Variants in PCDHGA12 observed in about 807,000 individuals in gnomAD.
PCDHGA12 encodes the protein protocadherin gamma subfamily A, 12.
In PCDHGA12, 43 loss-of-function variants were observed where a neutral mutation model predicts 61.1. The observed-to-expected ratio is 0.70, with a 90% CI of 0.55 to 0.91. The LOEUF (loss-of-function observed/expected upper bound fraction) is 0.91, where lower values mean the gene tolerates loss of function less well. Among genes scored for constraint, PCDHGA12 ranks in the 40% least tolerant of loss-of-function variants. PCDHGA12 has a pLI of 0.00. For missense variants in PCDHGA12, 1,236 were observed against 1,227.7 expected (o/e 1.01, Z -0.10); for synonymous variants, 520 against 542.9 (o/e 0.96, Z 0.59).
rs769461165 is a variant in PCDHGA12, at chr5:141,491,293, C to G, written c.2425-3514C>G. 2 of 1,614,048 alleles carry G rather than the reference C, an allele frequency of 1.2e-6. No individual in the cohort carries two copies. Among genetic ancestry groups the G allele is most frequent in the Admixed American group, 3.3e-5 (2 of 60,008 alleles). ...ATCCAGTGACTTCCTCATACACCCT[C>G]CTGAGCGTTCAGACCTTACCCTTTA... On this transcript the variant is annotated intron_variant, in intron 1 of 3. Coordinates refer to ENST00000252085, the MANE Select transcript of PCDHGA12 (RefSeq NM_003735.3). This position sits in a 1 kb window ranked among gnomAD's most constrained non-coding sequence, Gnocchi z 6.9.
chr5:141,477,778 C>A lies in PCDHGA12; in HGVS notation c.2425-17029C>A. The stretch of plus-strand genomic sequence containing the variant: ...TCCTAGCCACCAACATCAGCGTGAA[C>A]ATATTTGTCACTGATCGCAATGACA... On this transcript the variant is annotated intron_variant, in intron 1 of 3. Coordinates refer to ENST00000252085, the MANE Select transcript of PCDHGA12 (RefSeq NM_003735.3). The surrounding 1 kb of genome is among the most constrained non-coding windows in gnomAD (Gnocchi z 4.9). The A allele has an allele frequency of 6.2e-7, 1 of 1,614,052 alleles. No individual in the cohort carries two copies. The highest frequency in any genetic ancestry group is 8.5e-7 in the Non-Finnish European group (1 of 1,180,040).
intron 1 of PCDHGA12, among the ~76,000 whole-genome samples, chr5:141,438,591 CATATAT>C (rs946798767): frequency 1.2e-3 from 91 of 75,538 alleles, no homozygotes; most frequent in Non-Finnish European, 1.7e-3. Flanking sequence ...TACATACATA[CATATAT>C]ATATATATAT....
chr5:141,454,564 G>A (rs896426143), intron 1 of PCDHGA12, among the ~76,000 whole-genome samples: 1 of 151,874 alleles, frequency 6.6e-6, no homozygotes, highest in Non-Finnish European at 1.5e-5. Context: ...GTGCCACCAC[G>A]CCCGGCTAAT....
chr5:141,433,406 TTA>T (rs2097606059), intron 1 of PCDHGA12, among the ~76,000 whole-genome samples: 1 of 149,982 alleles, frequency 6.7e-6, no homozygotes. Flanking sequence ...TATCTATCTA[TTA>T]CTTTCTTGTA....
At position 141,490,440 on chromosome 5, in the gene PCDHGA12, T is replaced by C. The variant is rs560525159; in HGVS notation, c.2425-4367T>C. On this transcript the variant is annotated intron_variant, in intron 1 of 3. Transcript: ENST00000252085. This position sits in a 1 kb window ranked among gnomAD's most constrained non-coding sequence, Gnocchi z 5.4. ...ACCTGCCATTTCAGATTAAGCCTTC[T>C]GAGAACCACTACTCGCTGCTAACCA... 7 of 1,614,206 alleles carry C rather than the reference T, an allele frequency of 4.3e-6. No homozygotes were observed. Among genetic ancestry groups the C allele is most frequent in the Non-Finnish European group, 5.9e-6 (7 of 1,180,040 alleles).
intron 1 of PCDHGA12, among the ~76,000 whole-genome samples, chr5:141,494,100 G>T (rs559145191): frequency 6.6e-6 from 1 of 152,152 alleles, no homozygotes; most frequent in Non-Finnish European, 1.5e-5. Flanking sequence ...ATTTTTCTCC[G>T]TCTCAGACAG....
rs988237114 is a variant in PCDHGA12 at position 141,493,830 on chromosome 5, G to A, written c.2425-977G>A. On this transcript the variant is annotated intron_variant, in intron 1 of 3. Transcript: ENST00000252085. This position sits in a 1 kb window ranked among gnomAD's most constrained non-coding sequence, Gnocchi z 4.3. ...ATACTCACACTCTCTGCTTCTGGGA[G>A]CAAGTATGAGTATTAATTACCAGCC... 1.3e-5 allele frequency among the ~76,000 whole-genome samples: 2 copies of A among 152,218 alleles called. No individual in the cohort carries two copies. The highest frequency in any genetic ancestry group is 4.8e-5 in the African/African-American group (2 of 41,456).
intron 1 of PCDHGA12, among the ~76,000 whole-genome samples, chr5:141,443,727 A>T: frequency 6.6e-6 from 1 of 152,220 alleles, no homozygotes; most frequent in Non-Finnish European, 1.5e-5. Context: ...AATTCCTCAT[A>T]CATTTCCCTA....
intron 1 of PCDHGA12, among the ~76,000 whole-genome samples, chr5:141,461,376 T>C (rs2099014225): frequency 6.6e-6 from 1 of 152,184 alleles, no homozygotes; most frequent in South Asian, 2.1e-4. Context: ...AATTTGCATT[T>C]TCCTGATGAT....
chr5:141,498,578 G>T (rs1404493166), intron 2 of PCDHGA12, among the ~76,000 whole-genome samples: 1 of 152,048 alleles, frequency 6.6e-6, no homozygotes, highest in African/African-American at 2.4e-5. Flanking sequence ...CTAGTATTGA[G>T]TTCTTCAGTA....
chr5:141,507,601 A>G (rs2099861935), intron 3 of PCDHGA12, among the ~76,000 whole-genome samples: 1 of 152,254 alleles, frequency 6.6e-6, no homozygotes, highest in South Asian at 2.1e-4. Flanking sequence ...TGAGGGAAAT[A>G]AACAGGTATA....
chr5:141,506,444 CAAAAA>C (rs1219684339), intron 3 of PCDHGA12, among the ~76,000 whole-genome samples: 4 of 95,024 alleles, frequency 4.2e-5, no homozygotes, highest in Admixed American at 1.1e-4. Flanking sequence ...CGCTCTGTCT[CAAAAA>C]AAAAAAAAAA....
chr5:141,508,171 A>G (rs1364776681), intron 3 of PCDHGA12: 2 of 152,406 alleles, frequency 1.3e-5, no homozygotes, highest in African/African-American at 4.8e-5. Context: ...AGGCTGGCAC[A>G]GGAGAGAAGG....
intron 1 of PCDHGA12, among the ~76,000 whole-genome samples, chr5:141,471,998 A>T (rs938492822): frequency 5.3e-5 from 8 of 152,276 alleles, no homozygotes; most frequent in South Asian, 2.1e-4. Context: ...AAATCCCTGC[A>T]TCGTATAGGG....
chr5:141,455,055 G>T (rs1019622889), intron 1 of PCDHGA12, among the ~76,000 whole-genome samples: 1 of 151,602 alleles, frequency 6.6e-6, no homozygotes, highest in African/African-American at 2.4e-5. Flanking sequence ...CTCGTGATCC[G>T]CCCGCCTCGG....
At position 141,430,877 on chromosome 5, in the gene PCDHGA12, G is replaced by T; in HGVS notation, c.118G>T (p.Glu40Ter). 6.2e-7 allele frequency: 1 copy of T among 1,600,796 alleles called. No individual in the cohort carries two copies. ...QIRYSVPEELEKGSRVGDISR... is the reference protein window; with the variant it reads ...QIRYSVPEEL ...ACGCTATTCAGTTCCGGAAGAGCTG[G>T]AGAAAGGCTCTAGGGTGGGCGACAT... is the stretch of plus-strand genomic sequence containing the variant. Residue 40 changes from glutamate (E) to a stop codon, truncating the protein, a stop_gained, in exon 1 of 4, where the codon GAG becomes TAG. Transcript: ENST00000252085. LOFTEE classifies it high-confidence loss of function.
At chr5:141,435,214 A>G (rs1314928643) in intron 1 of PCDHGA12, among the ~76,000 whole-genome samples, 2 of 152,176 alleles carry the variant, frequency 1.3e-5, no homozygotes, top group South Asian at 2.1e-4. Context: ...AAGTGAATTT[A>G]CTTTCTTTCA....
At chr5:141,460,829 A>C (rs1242954704) in intron 1 of PCDHGA12, among the ~76,000 whole-genome samples, 1 of 151,944 alleles carries the variant, frequency 6.6e-6, no homozygotes, top group African/African-American at 2.4e-5. Flanking sequence ...ATACACACTT[A>C]AAGTAATGGC....
chr5:141,501,017 C>T (rs1383853662), intron 2 of PCDHGA12, among the ~76,000 whole-genome samples: 5 of 151,866 alleles, frequency 3.3e-5, no homozygotes, highest in African/African-American at 7.3e-5. Flanking sequence ...TACAGGCACG[C>T]GCCACCACGC....
Sources: allele counts gnomAD v4.1 joint callset (sites outside exome capture counted in the v4.1 genomes callset), GRCh38; gene constraint gnomAD v4.1.1; non-coding constraint Gnocchi (gnomAD v3.1); transcripts MANE v1.5; gene names NCBI Gene and HGNC (gene_info 2026-07-23, HGNC 2026-07-21).